The following MALRD1 variants were observed in gnomAD, a reference collection of about 807,000 sequenced individuals.
MALRD1 encodes the protein MAM and LDL receptor class A domain containing 1.
A neutral mutation model predicts 242.1 loss-of-function variants in MALRD1; 247 were observed. That is an observed-to-expected ratio of 1.02 (90% CI 0.92 to 1.13). The LOEUF (loss-of-function observed/expected upper bound fraction) is 1.13. MALRD1 is among the 50% of genes most tolerant of loss of function. The pLI, the probability that MALRD1 is intolerant of heterozygous loss-of-function variation, is 0.00. For missense variants in MALRD1, 2,989 were observed against 2,533.1 expected, an observed-to-expected ratio of 1.18 and a Z score of -3.86; for synonymous variants, 995 against 866.6, an observed-to-expected ratio of 1.15 and a Z score of -2.60.
chr10:19,107,573 T>TC (rs549640539), intron 5 of MALRD1, among the ~76,000 whole-genome samples: 8 of 151,620 alleles, frequency 5.3e-5, no homozygotes, highest in Non-Finnish European at 8.9e-5. Flanking sequence ...GTCTTTTTTT[T>TC]TTTTTTAATC....
intron 29 of MALRD1, among the ~76,000 whole-genome samples, chr10:19,483,759 A>G (rs1428630706): frequency 2.0e-5 from 3 of 152,180 alleles, no homozygotes; most frequent in African/African-American, 4.8e-5. Context: ...CAACTCAGCA[A>G]TCCCATTACT....
At chr10:19,377,402 G>A (rs1051354863) in intron 26 of MALRD1, among the ~76,000 whole-genome samples, 6 of 152,114 alleles carry the variant, frequency 3.9e-5, no homozygotes, top group African/African-American at 1.4e-4. Context: ...AATATGCAAA[G>A]TTATTGAGAA....
intron 10 of MALRD1, among the ~76,000 whole-genome samples, chr10:19,139,394 T>C (rs1326344643): frequency 6.6e-6 from 1 of 152,222 alleles, no homozygotes; most frequent in Non-Finnish European, 1.5e-5. Flanking sequence ...TCATAAACGA[T>C]TCTTCCATGT....
At chr10:19,308,667 A>G (rs1842317668) in intron 21 of MALRD1, among the ~76,000 whole-genome samples, 1 of 151,536 alleles carries the variant, frequency 6.6e-6, no homozygotes, top group Non-Finnish European at 1.5e-5. Context: ...GTCAGACAGT[A>G]TACCTGGCCG....
intron 32 of MALRD1, among the ~76,000 whole-genome samples, chr10:19,548,079 C>A (rs1687269863): frequency 7.0e-6 from 1 of 143,440 alleles, no homozygotes. Context: ...CAGATCACTG[C>A]AACCTCCACC....
intron 21 of MALRD1, among the ~76,000 whole-genome samples, chr10:19,288,813 A>G (rs1841266894): frequency 6.6e-6 from 1 of 152,022 alleles, no homozygotes; most frequent in African/African-American, 2.4e-5. Flanking sequence ...TTAAAACTTC[A>G]CAACCCCCAG....
At chr10:19,477,464 A>C (rs897852754) in intron 29 of MALRD1, among the ~76,000 whole-genome samples, 5 of 151,814 alleles carry the variant, frequency 3.3e-5, no homozygotes, top group African/African-American at 1.2e-4. Flanking sequence ...TTGGAAATAA[A>C]TAAATAAATA....
At chr10:19,194,770 C>T (rs1301634320) in intron 14 of MALRD1, among the ~76,000 whole-genome samples, 1 of 152,138 alleles carries the variant, frequency 6.6e-6, no homozygotes, top group Admixed American at 6.6e-5. Context: ...AAGTTATTCT[C>T]TCCTCCAAAA....
intron 28 of MALRD1, among the ~76,000 whole-genome samples, chr10:19,426,587 A>T (rs1309365570): frequency 5.9e-5 from 9 of 152,108 alleles, no homozygotes; most frequent in Admixed American, 5.9e-4. Context: ...GAATCATTTG[A>T]GGTCAGGAGT....
chr10:19,399,329 A>G (rs997089933), intron 28 of MALRD1, among the ~76,000 whole-genome samples: 4 of 152,088 alleles, frequency 2.6e-5, no homozygotes, highest in African/African-American at 4.8e-5. Flanking sequence ...TACTCTTCTC[A>G]TTTTTCTAGG....
chr10:19,645,884 A>T (rs11010905), intron 36 of MALRD1, among the ~76,000 whole-genome samples: 66,596 of 151,692 alleles, frequency 0.44, 15,357 homozygotes, highest in Non-Finnish European at 0.51. Flanking sequence ...ATAATAATAA[A>T]AAAAAAGAAA....
chr10:19,103,384 AC>A (rs1051952868), intron 4 of MALRD1, among the ~76,000 whole-genome samples: 1 of 150,660 alleles, frequency 6.6e-6, no homozygotes, highest in African/African-American at 2.4e-5. Context: ...ACACGGTGAA[AC>A]CCTGTCTCTA....
intron 36 of MALRD1, among the ~76,000 whole-genome samples, chr10:19,677,056 A>G (rs950078232): frequency 2.0e-5 from 3 of 151,782 alleles, no homozygotes; most frequent in Non-Finnish European, 2.9e-5. Flanking sequence ...TTTTTTTTCT[A>G]GTCTATCATT....
intron 5 of MALRD1, among the ~76,000 whole-genome samples, chr10:19,123,132 A>G (rs1837125602): frequency 6.6e-6 from 1 of 152,192 alleles, no homozygotes; most frequent in African/African-American, 2.4e-5. Context: ...GGACACATGT[A>G]CAACTGTCCT....
chr10:19,520,041 A>T (rs112920252), intron 31 of MALRD1, among the ~76,000 whole-genome samples: 17 of 152,248 alleles, frequency 1.1e-4, no homozygotes, highest in African/African-American at 4.1e-4. Context: ...AGTGTCAATC[A>T]CCGTGCACCT....
chr10:19,531,400 G>A, intron 32 of MALRD1, 49 bp downstream of exon 32: 2 of 1,435,408 alleles, frequency 1.4e-6, no homozygotes, highest in Non-Finnish European at 9.4e-7. Flanking sequence ...TGCATGACAT[G>A]TTTAAACATT....
chr10:19,450,983 C>T lies in MALRD1; in HGVS notation c.5029+493C>T. On this transcript the variant is annotated intron_variant, in intron 29 of 39. Transcript: ENST00000454679. ...AGACCCCATCTCTGGACACTATCAC[C>T]TTTGGGTTTAGGATTTCAACATATG... 1.3e-5 allele frequency among the ~76,000 whole-genome samples: 2 copies of T among 152,118 alleles called. 1 individual carries two copies. The highest frequency in any genetic ancestry group is 3.9e-4 in the East Asian group (2 of 5,174).
intron 11 of MALRD1, among the ~76,000 whole-genome samples, chr10:19,148,370 A>T (rs1390559168): frequency 6.6e-6 from 1 of 152,052 alleles, no homozygotes; most frequent in Non-Finnish European, 1.5e-5. Context: ...TTAGATAGAA[A>T]ATAGAGAAAA....
rs59660712 is a variant in MALRD1, at chr10:19,407,817, A to G, written c.4845+18208A>G. On this transcript the variant is annotated intron_variant, in intron 28 of 39. Transcript: ENST00000454679. ...AAGTGATATTGAAGCTGCACATATTATCCTGTTACATAGCTATGTTCCTCC... is the reference window on the plus strand; with the variant it reads ...AAGTGATATTGAAGCTGCACATATTGTCCTGTTACATAGCTATGTTCCTCC... Among the ~76,000 whole-genome samples the G allele has an allele frequency of 1.6e-4, 25 of 152,346 alleles. No individual in the cohort carries two copies. In the East Asian group the frequency reaches 4.6e-3, roughly 28 times the overall value.
Sources: gnomAD v4.1 joint callset for allele counts (sites outside exome capture counted in the v4.1 genomes callset) on GRCh38, gnomAD v4.1.1 for gene constraint, MANE v1.5 for transcripts, NCBI Gene and HGNC (gene_info 2026-07-23, HGNC 2026-07-21) for gene names.